BTBD7: variants seen among roughly 807,000 people sequenced by gnomAD.
The protein encoded by BTBD7 is BTB domain containing 7.
BTBD7 carries 38 observed loss-of-function variants against 99.9 expected under a neutral mutation model. That is an observed-to-expected ratio of 0.38 (90% confidence interval 0.29 to 0.50). The LOEUF is 0.50. Ranked by LOEUF, BTBD7 falls within the 20% of genes least tolerant of loss-of-function variation. The pLI is 0.93. For synonymous variants in BTBD7, 520 were observed against 511.4 expected (o/e 1.02, Z -0.23); for missense variants, 1,170 against 1,394.6 (o/e 0.84, Z 2.57).
At chr14:93,301,915 C>A (rs1413695123) in intron 1 of BTBD7, among the ~76,000 whole-genome samples, 1 of 152,208 alleles carries the variant, frequency 6.6e-6, no homozygotes, top group Non-Finnish European at 1.5e-5. Flanking sequence ...AGACAGACAG[C>A]AGAGCCTGGT....
intron 8 of BTBD7, among the ~76,000 whole-genome samples, chr14:93,249,610 T>C (rs1186517526): frequency 6.6e-6 from 1 of 152,180 alleles, no homozygotes; most frequent in Non-Finnish European, 1.5e-5. Context: ...TAAATAAAGT[T>C]TTATTGGAAT....
At chr14:93,326,594 G>C (rs2053335470) in intron 1 of BTBD7, among the ~76,000 whole-genome samples, 1 of 152,146 alleles carries the variant, frequency 6.6e-6, no homozygotes, top group South Asian at 2.1e-4. Flanking sequence ...CTTATGTAAG[G>C]AGTTTGAGAC....
intron 1 of BTBD7, among the ~76,000 whole-genome samples, chr14:93,303,635 C>A (rs2053032091): frequency 6.6e-6 from 1 of 152,130 alleles, no homozygotes; most frequent in Non-Finnish European, 1.5e-5. Context: ...CCATTTAAAG[C>A]AGAGAACCAA....
At position 93,253,801 on chromosome 14, in the gene BTBD7, A is replaced by AAT; in HGVS notation, c.1609-12_1609-11insAT. 7.1e-7 allele frequency: 1 copy of AAT among 1,417,262 alleles called. No individual in the cohort carries two copies. The highest frequency in any genetic ancestry group is 2.0e-5 in the Admixed American group (1 of 50,270). 87.8% of individuals were successfully genotyped at this position (1,417,262 alleles called of 1,614,324 possible). A position where few individuals can be genotyped will look rare whatever the true frequency, so the allele number is the denominator to read the frequency against. Reference sequence around the variant, plus strand: ...CAAGCCTCTTTTCATCTAAAAAAAAATTTTTTTTTTAGATAGAAATCTGTG... The same window carrying AAT: ...CAAGCCTCTTTTCATCTAAAAAAAAAATTTTTTTTTTTAGATAGAAATCTGTG... On this transcript the variant is annotated splice_polypyrimidine_tract_variant and intron_variant, in intron 6 of 10. Transcript: ENST00000334746.
chr14:93,324,121 A>G (rs1273554972), intron 1 of BTBD7, among the ~76,000 whole-genome samples: 1 of 152,198 alleles, frequency 6.6e-6, no homozygotes, highest in East Asian at 1.9e-4. Context: ...CTTGATCTTG[A>G]AAAATAAAGA....
At chr14:93,257,856 GGTTTT>G (rs2052447012) in intron 5 of BTBD7, among the ~76,000 whole-genome samples, 1 of 152,068 alleles carries the variant, frequency 6.6e-6, no homozygotes, top group Non-Finnish European at 1.5e-5. Context: ...TGCTTTATTT[GGTTTT>G]AAGATTTTTA....
intron 3 of BTBD7, among the ~76,000 whole-genome samples, chr14:93,279,585 T>C (rs1311276118): frequency 6.6e-6 from 1 of 152,178 alleles, no homozygotes; most frequent in Non-Finnish European, 1.5e-5. Flanking sequence ...TCTCGCTCTG[T>C]TGCCCAGGCT....
chr14:93,254,733 T>C (rs1452875846), intron 6 of BTBD7, among the ~76,000 whole-genome samples: 1 of 152,208 alleles, frequency 6.6e-6, no homozygotes, highest in Non-Finnish European at 1.5e-5. Context: ...CTTTAGTTCC[T>C]AAGGTGGTGT....
At chr14:93,283,346 G>A (rs879837962) in intron 3 of BTBD7, among the ~76,000 whole-genome samples, 2 of 152,096 alleles carry the variant, frequency 1.3e-5, no homozygotes, top group Non-Finnish European at 2.9e-5. Flanking sequence ...CCAAAGTGTT[G>A]GGATTACAAG....
chr14:93,305,469 C>T (rs1595332606), intron 1 of BTBD7, among the ~76,000 whole-genome samples: 2 of 152,292 alleles, frequency 1.3e-5, no homozygotes, highest in South Asian at 4.1e-4. Flanking sequence ...TCAACAAGGT[C>T]TCTTATGAAA....
intron 3 of BTBD7, among the ~76,000 whole-genome samples, chr14:93,282,830 T>C (rs1019157939): frequency 3.9e-5 from 6 of 152,152 alleles, no homozygotes; most frequent in Non-Finnish European, 5.9e-5. Flanking sequence ...TCCTTGGTGA[T>C]GGGAGGCATC....
rs1566838533 is a variant in BTBD7, at chr14:93,257,372, G to T, written c.1448-17C>A. 1.3e-6 allele frequency: 2 copies of T among 1,583,464 alleles called. No individual in the cohort carries two copies. The highest frequency in any genetic ancestry group is 1.7e-6 in the Non-Finnish European group (2 of 1,168,146). ...AGTTTGGCTCTATGAGACAGAAAAT[G>T]AAAAGTTTCCAACCAAATCCAAATG... On this transcript the variant is annotated splice_polypyrimidine_tract_variant and intron_variant, in intron 5 of 10. Coordinates refer to ENST00000334746, the MANE Select transcript of BTBD7 (RefSeq NM_001002860.4).
chr14:93,251,581 C>T lies in BTBD7; in HGVS notation c.1824G>A (p.Val608=), dbSNP rs372214977. 3.7e-6 allele frequency: 6 copies of T among 1,613,832 alleles called. No homozygotes were observed. The highest frequency in any genetic ancestry group is 2.7e-5 in the African/African-American group (2 of 74,918). Residue 608 remains valine (V), a synonymous_variant, in exon 8 of 11, where the codon GTG becomes GTA. Coordinates refer to ENST00000334746, the MANE Select transcript of BTBD7 (RefSeq NM_001002860.4). The part of the protein sequence containing the change: ...VRLRMVRMSN[V]PDTLYMVNNA... ...TATTGACCATGTAGAGCGTGTCTGG[C>T]ACATTGGACATTCTAACCATTCGCA...
At chr14:93,251,707 C>T (rs2052369917) in intron 7 of BTBD7, 55 bp from the exon 8 acceptor site, 2 of 1,365,172 alleles carry the variant, frequency 1.5e-6, no homozygotes, top group South Asian at 1.9e-5. Flanking sequence ...TGTTAAATCA[C>T]ATTTGAAGGA....
At chr14:93,332,693 C>G in intron 1 of BTBD7, 127 bp downstream of exon 1, 2 of 1,291,096 alleles carry the variant, frequency 1.5e-6, no homozygotes, top group South Asian at 4.3e-5. Context: ...CAGCGCCTCC[C>G]GCGGCGGCTT....
intron 6 of BTBD7, among the ~76,000 whole-genome samples, chr14:93,253,993 A>G (rs899299529): frequency 5.9e-5 from 9 of 151,312 alleles, no homozygotes; most frequent in South Asian, 2.1e-4. Flanking sequence ...GCTGGAGTGC[A>G]GTGGCGTGAT....
At chr14:93,311,240 A>C (rs1051767175) in intron 1 of BTBD7, among the ~76,000 whole-genome samples, 3 of 152,150 alleles carry the variant, frequency 2.0e-5, no homozygotes, top group African/African-American at 7.2e-5. Context: ...GCCTTATTCA[A>C]ATTGGTTCCT....
intron 7 of BTBD7, 91 bp downstream of exon 7, chr14:93,253,556 T>C (rs960906322): frequency 1.3e-5 from 16 of 1,199,012 alleles, no homozygotes; most frequent in Non-Finnish European, 1.6e-5. Context: ...ATATAGGCTA[T>C]TTCCAAATAT....
Position 93,246,056 on chromosome 14 carries a change from A to G in BTBD7, c.2352T>C (p.Pro784=). Residue 784 remains proline (P), a synonymous_variant, in exon 10 of 11, where the codon CCT becomes CCC. Coordinates refer to ENST00000334746, the MANE Select transcript of BTBD7 (RefSeq NM_001002860.4). The stretch of plus-strand genomic sequence containing the variant: ...ATGAACGTGAAGGGTGCTGACTGGG[A>G]GGTCTTTGCTTCCAGCCTGCTTTGA... ...NQLKAGWKQR[P]PSQHPSRSFS... 1 of 1,506,120 alleles carries G rather than the reference A, an allele frequency of 6.6e-7. No individual in the cohort carries two copies. 93.3% of individuals were successfully genotyped at this position (1,506,120 alleles called of 1,614,324 possible).
Sources: allele counts gnomAD v4.1 joint callset (sites outside exome capture counted in the v4.1 genomes callset), GRCh38; gene constraint gnomAD v4.1.1; transcripts MANE v1.5; gene names NCBI Gene and HGNC (gene_info 2026-07-23, HGNC 2026-07-21).